Variants in PLEKHG1 observed in about 807,000 individuals in gnomAD.
PLEKHG1 encodes the protein pleckstrin homology domain-containing family G member 1.
PLEKHG1 carries 44 observed loss-of-function variants against 100.8 expected under a neutral mutation model. The observed-to-expected ratio is 0.44, with a 90% CI of 0.34 to 0.56. PLEKHG1 has a LOEUF of 0.56. Ranked by LOEUF, PLEKHG1 falls within the 20% of genes least tolerant of loss-of-function variation. PLEKHG1 has a pLI of 0.01. For synonymous variants in PLEKHG1, 640 were observed against 662.5 expected (o/e 0.97, Z 0.52); for missense variants, 1,545 against 1,720.9 (o/e 0.90, Z 1.81).
chr6:150,822,391 C>T (rs1481614061), intron 13 of PLEKHG1, among the ~76,000 whole-genome samples: 2 of 152,110 alleles, frequency 1.3e-5, no homozygotes, highest in Non-Finnish European at 2.9e-5. Context: ...TGGTAATAGT[C>T]GTTTGAATTT....
At chr6:150,840,599 A>C in exon 16 of PLEKHG1, 1 of 1,614,250 alleles carries the variant, frequency 6.2e-7, no homozygotes, top group Non-Finnish European at 8.5e-7. Flanking sequence ...AGTCAGAAGA[A>C]GATGAGTCGG....
chr6:150,706,998 C>CTTTTTTTTTTTTT (rs71014517), intron 3 of PLEKHG1, among the ~76,000 whole-genome samples: 3 of 51,922 alleles, frequency 5.8e-5, no homozygotes, highest in African/African-American at 7.8e-5. Flanking sequence ...TTTTCTTTTT[C>CTTTTTTTTTTTTT]TTTTTTTTTT....
At chr6:150,643,296 T>C (rs897750522) in intron 2 of PLEKHG1, among the ~76,000 whole-genome samples, 6 of 152,198 alleles carry the variant, frequency 3.9e-5, no homozygotes, top group Non-Finnish European at 7.3e-5. Flanking sequence ...GTTTCCTTTT[T>C]AAAAGCTCAC....
At chr6:150,673,169 A>G (rs1031627452) in intron 3 of PLEKHG1, among the ~76,000 whole-genome samples, 2 of 152,230 alleles carry the variant, frequency 1.3e-5, no homozygotes, top group African/African-American at 2.4e-5. Flanking sequence ...CTTATGCCAT[A>G]GAAAATTAAC....
intron 3 of PLEKHG1, among the ~76,000 whole-genome samples, chr6:150,657,923 T>C (rs1160519659): frequency 6.6e-6 from 1 of 152,266 alleles, no homozygotes; most frequent in Non-Finnish European, 1.5e-5. Flanking sequence ...AGGAATCCAG[T>C]GTCTGGAACA....
At chr6:150,840,898 G>T (rs761250129) in exon 16 of PLEKHG1, 1 of 1,595,656 alleles carries the variant, frequency 6.3e-7, no homozygotes, top group African/African-American at 1.3e-5. Context: ...TTTGCTTAAG[G>T]TTCTTCATAA....
intron 10 of PLEKHG1, among the ~76,000 whole-genome samples, chr6:150,817,417 T>G (rs1025810209): frequency 1.3e-4 from 20 of 152,096 alleles, no homozygotes; most frequent in African/African-American, 4.6e-4. Flanking sequence ...GAGAGGAAAC[T>G]TCCAGCAGCC....
chr6:150,643,040 C>T (rs1778335845), intron 2 of PLEKHG1, among the ~76,000 whole-genome samples: 1 of 152,088 alleles, frequency 6.6e-6, no homozygotes, highest in Non-Finnish European at 1.5e-5. Context: ...CTTTGGCCAG[C>T]TTTTCTTTAT....
intron 1 of PLEKHG1, among the ~76,000 whole-genome samples, chr6:150,630,282 G>A (rs1010995773): frequency 1.3e-5 from 2 of 152,180 alleles, no homozygotes; most frequent in South Asian, 2.1e-4. Flanking sequence ...GCTTCTTTGC[G>A]GAGAATCAGT....
chr6:150,616,986 A>T (rs1223739039), intron 1 of PLEKHG1, among the ~76,000 whole-genome samples: 1 of 152,262 alleles, frequency 6.6e-6, no homozygotes, highest in African/African-American at 2.4e-5. Flanking sequence ...AAGATTAAAA[A>T]GAAAATCAAG....
intron 1 of PLEKHG1, among the ~76,000 whole-genome samples, chr6:150,635,013 T>C (rs1777932765): frequency 6.6e-6 from 1 of 152,182 alleles, no homozygotes; most frequent in African/African-American, 2.4e-5. Flanking sequence ...GAAAAATAAT[T>C]AGTTCTCAAA....
At chr6:150,668,645 A>C (rs185849024) in intron 3 of PLEKHG1, among the ~76,000 whole-genome samples, 281 of 152,314 alleles carry the variant, frequency 1.8e-3, no homozygotes, top group African/African-American at 6.1e-3. Context: ...GTTCCTAATC[A>C]GGCCGGACCT....
At chr6:150,725,453 G>A (rs1431749902) in intron 1 of PLEKHG1, among the ~76,000 whole-genome samples, 2 of 152,124 alleles carry the variant, frequency 1.3e-5, no homozygotes, top group South Asian at 2.1e-4. Context: ...GTTCCTCTTC[G>A]TTCAACCCCT....
intron 13 of PLEKHG1, among the ~76,000 whole-genome samples, chr6:150,821,687 A>T (rs1776309339): frequency 6.6e-6 from 1 of 152,060 alleles, no homozygotes; most frequent in South Asian, 2.1e-4. Context: ...GTGTCACAAA[A>T]AATAATAATA....
chr6:150,832,716 G>A (rs896967999), intron 15 of PLEKHG1, among the ~76,000 whole-genome samples: 2 of 125,714 alleles, frequency 1.6e-5, no homozygotes, highest in Non-Finnish European at 3.2e-5. Context: ...GGATCTCACT[G>A]TCACCCAGGC....
chr6:150,783,372 C>CTT (rs201678941), intron 3 of PLEKHG1, among the ~76,000 whole-genome samples: 13 of 138,898 alleles, frequency 9.4e-5, no homozygotes, highest in Admixed American at 8.0e-4. Context: ...AGAGATTCTT[C>CTT]TTTTTTTTTT....
At position 150,776,704 on chromosome 6, in the gene PLEKHG1, C is replaced by T. The variant is rs958109036; in HGVS notation, c.512+7966C>T. Among the ~76,000 whole-genome samples, 95 of 150,072 alleles carry T rather than the reference C, an allele frequency of 6.3e-4. 1 individual carries two copies. Among genetic ancestry groups the T allele is most frequent in the Admixed American group, 2.0e-3 (30 of 15,084 alleles). On this transcript the variant is annotated intron_variant, in intron 3 of 15. Coordinates refer to ENST00000358517, the Ensembl canonical transcript of PLEKHG1. ...CTGATGCAATCCTGGCGTACATGTGCGGTTGCACATCAGCCACACTGATGC... is the reference window on the plus strand; with the variant it reads ...CTGATGCAATCCTGGCGTACATGTGTGGTTGCACATCAGCCACACTGATGC...
intron 2 of PLEKHG1, among the ~76,000 whole-genome samples, chr6:150,736,041 C>A (rs948196384): frequency 2.6e-5 from 4 of 152,134 alleles, no homozygotes; most frequent in African/African-American, 9.7e-5. Flanking sequence ...GGTTGGTGAG[C>A]TTTTTCTAGG....
intron 3 of PLEKHG1, among the ~76,000 whole-genome samples, chr6:150,665,837 G>A (rs1779376169): frequency 6.6e-6 from 1 of 152,036 alleles, no homozygotes; most frequent in South Asian, 2.1e-4. Flanking sequence ...CCAACCAGGG[G>A]AGTTGGTTGG....
Sources: allele counts gnomAD v4.1 joint callset (sites outside exome capture counted in the v4.1 genomes callset), GRCh38; gene constraint gnomAD v4.1.1; transcripts MANE v1.5; gene names NCBI Gene and HGNC (gene_info 2026-07-23, HGNC 2026-07-21).